The following SLC49A4 variants were observed in gnomAD, a reference collection of about 807,000 sequenced individuals.
The protein encoded by SLC49A4 is disrupted in renal cancer protein 2.
SLC49A4 carries 36 observed loss-of-function variants against 50.6 expected under a neutral mutation model. The observed-to-expected ratio is 0.71, with a 90% CI of 0.55 to 0.94. SLC49A4 has a LOEUF of 0.94. Among genes scored for constraint, SLC49A4 ranks in the 40% least tolerant of loss-of-function variants. The pLI is 0.00. For synonymous variants in SLC49A4, 248 were observed against 241.2 expected, an observed-to-expected ratio of 1.03 and a Z score of -0.26; for missense variants, 503 against 605.7, an observed-to-expected ratio of 0.83 and a Z score of 1.78.
rs764524247 is a variant in SLC49A4 at position 122,864,229 on chromosome 3, C to G, written c.1138+4027C>G. The stretch of plus-strand genomic sequence containing the variant: ...TTGGATGCTTTTCCTTAGGGAAACT[C>G]AGAATATTTAAAATTGCATTATGTC... On this transcript the variant is annotated intron_variant, in intron 7 of 8. Transcript: ENST00000261038. Among the ~76,000 whole-genome samples, 178 of 152,126 alleles carry G rather than the reference C, an allele frequency of 1.2e-3. 2 individuals carry two copies. Among genetic ancestry groups the G allele is most frequent in the Non-Finnish European group, 7.8e-4 (53 of 68,030 alleles).
chr3:122,840,337 A>G (rs1043985314), intron 4 of SLC49A4, among the ~76,000 whole-genome samples: 2 of 152,190 alleles, frequency 1.3e-5, no homozygotes, highest in African/African-American at 4.8e-5. Context: ...CCGCTATCCA[A>G]TTCATCCTTG....
intron 5 of SLC49A4, among the ~76,000 whole-genome samples, chr3:122,855,119 A>G (rs918243109): frequency 3.9e-5 from 6 of 152,054 alleles, no homozygotes; most frequent in Non-Finnish European, 8.8e-5. Context: ...AGAAAGAAAA[A>G]GAAAAATATG....
In SLC49A4 at chr3:122,879,438, T is replaced by C; in HGVS notation, c.*60T>C. ...GAAATCAATACTGCACACTGCACAT[T>C]TGCTCAGAATTGCACATCTAACAGG... is the stretch of plus-strand genomic sequence containing the variant. On this transcript the variant is annotated 3_prime_UTR_variant, in exon 9 of 9. Transcript: ENST00000261038. The C allele has an allele frequency of 8.3e-7, 1 of 1,209,696 alleles. No homozygotes were observed. Among genetic ancestry groups the C allele is most frequent in the Non-Finnish European group, 1.2e-6 (1 of 838,584 alleles). The allele number at this position is 1,209,696 out of a possible 1,614,324, so 74.9% of individuals were successfully genotyped here.
chr3:122,813,578 G>A (rs1268374696), intron 2 of SLC49A4, among the ~76,000 whole-genome samples: 7 of 152,092 alleles, frequency 4.6e-5, no homozygotes, highest in Non-Finnish European at 7.4e-5. Flanking sequence ...AAAGTAGACC[G>A]AGTTGAAATT....
At position 122,869,367 on chromosome 3, in the gene SLC49A4, T is replaced by A. The variant is rs569844443; in HGVS notation, c.1139-3048T>A. Among the ~76,000 whole-genome samples, 204 of 152,334 alleles carry A rather than the reference T, an allele frequency of 1.3e-3. No individual in the cohort carries two copies. The South Asian group carries it at 0.013, about 10-fold the overall frequency. On this transcript the variant is annotated intron_variant, in intron 7 of 8. Coordinates refer to ENST00000261038, the MANE Select transcript of SLC49A4 (RefSeq NM_032839.3). ...CATACTTTTCAGCACCTTTTTCACT[T>A]ATGTATCTTAGTTATTAATATTATT...
intron 4 of SLC49A4, among the ~76,000 whole-genome samples, chr3:122,844,920 G>A (rs1379840787): frequency 2.0e-5 from 3 of 151,574 alleles, no homozygotes; most frequent in African/African-American, 7.3e-5. Context: ...ACATATATGT[G>A]TATATATAGT....
chr3:122,837,712 G>C, intron 4 of SLC49A4, among the ~76,000 whole-genome samples: 1 of 151,918 alleles, frequency 6.6e-6, no homozygotes, highest in East Asian at 1.9e-4. Flanking sequence ...TTGACAAATG[G>C]GATCTAATTA....
At chr3:122,815,236 C>T (rs1422801762) in intron 2 of SLC49A4, among the ~76,000 whole-genome samples, 2 of 152,070 alleles carry the variant, frequency 1.3e-5, no homozygotes, top group Admixed American at 6.5e-5. Flanking sequence ...ATTACAGACA[C>T]CTGCCACCAT....
intron 7 of SLC49A4, among the ~76,000 whole-genome samples, chr3:122,868,936 C>A (rs1410352688): frequency 6.6e-6 from 1 of 152,160 alleles, no homozygotes; most frequent in Non-Finnish European, 1.5e-5. Flanking sequence ...AATAGGCATT[C>A]TAACAAATGG....
chr3:122,863,929 C>T (rs760093977), intron 7 of SLC49A4, among the ~76,000 whole-genome samples: 1 of 152,024 alleles, frequency 6.6e-6, no homozygotes, highest in Non-Finnish European at 1.5e-5. Context: ...CACTCTGTCA[C>T]CCAGACTGGA....
In SLC49A4 at chr3:122,842,152, G is replaced by T. The variant is rs117028500; in HGVS notation, c.834-3611G>T. ...AATTTTGGACTATTCTTTAGGAAATGAGTCACTGAAGGATGTTAAGCCAAG... is the reference window on the plus strand; with the variant it reads ...AATTTTGGACTATTCTTTAGGAAATTAGTCACTGAAGGATGTTAAGCCAAG... On this transcript the variant is annotated intron_variant, in intron 4 of 8. Transcript: ENST00000261038. 7.1e-4 allele frequency among the ~76,000 whole-genome samples: 108 copies of T among 151,864 alleles called. No homozygotes were observed. In the East Asian group the frequency reaches 0.019, roughly 26 times the overall value.
At chr3:122,803,691 A>G (rs1936168054) in intron 1 of SLC49A4, among the ~76,000 whole-genome samples, 1 of 152,114 alleles carries the variant, frequency 6.6e-6, no homozygotes, top group Non-Finnish European at 1.5e-5. Context: ...CTGATTTTCC[A>G]TGCTTCCACT....
intron 5 of SLC49A4, among the ~76,000 whole-genome samples, chr3:122,852,030 G>A (rs1214741992): frequency 7.8e-6 from 1 of 127,614 alleles, no homozygotes; most frequent in African/African-American, 3.0e-5. Flanking sequence ...GTCTTGCCCT[G>A]TCACCCAGGC....
chr3:122,871,677 G>A (rs1332318490), intron 7 of SLC49A4, among the ~76,000 whole-genome samples: 4 of 152,160 alleles, frequency 2.6e-5, no homozygotes, highest in African/African-American at 9.6e-5. Flanking sequence ...AAATTAACAA[G>A]GGTTTATAGA....
chr3:122,804,120 C>G (rs1205648859), intron 1 of SLC49A4, among the ~76,000 whole-genome samples: 2 of 152,206 alleles, frequency 1.3e-5, no homozygotes, highest in Admixed American at 6.5e-5. Flanking sequence ...TGCTGGCATT[C>G]ACTCATCATC....
intron 7 of SLC49A4, among the ~76,000 whole-genome samples, chr3:122,861,012 C>G (rs984368261): frequency 2.0e-5 from 3 of 152,126 alleles, no homozygotes; most frequent in African/African-American, 7.2e-5. Flanking sequence ...GGGTCAAGTC[C>G]TTTTCACGTT....
chr3:122,833,485 A>G (rs1311992303), intron 4 of SLC49A4, 39 bp downstream of exon 4: 3 of 1,557,616 alleles, frequency 1.9e-6, no homozygotes, highest in Admixed American at 1.9e-5. Flanking sequence ...TTTGACTGAC[A>G]CCTTCAAGGT....
intron 4 of SLC49A4, 127 bp from the exon 5 acceptor site, chr3:122,845,636 T>TTTTA: frequency 2.7e-6 from 1 of 369,790 alleles, no homozygotes; most frequent in Non-Finnish European, 4.7e-6. Flanking sequence ...TTTGAGTTTT[T>TTTTA]AATGCCATTC....
intron 2 of SLC49A4, among the ~76,000 whole-genome samples, chr3:122,825,737 T>G (rs538952577): frequency 2.8e-4 from 42 of 152,004 alleles, no homozygotes; most frequent in African/African-American, 8.2e-4. Flanking sequence ...GTACTGTCCC[T>G]TCCCTTTCCT....
Sources: gnomAD v4.1 joint callset for allele counts (sites outside exome capture counted in the v4.1 genomes callset) on GRCh38, gnomAD v4.1.1 for gene constraint, MANE v1.5 for transcripts, NCBI Gene and HGNC (gene_info 2026-07-23, HGNC 2026-07-21) for gene names.